The following GRIK4 variants were observed in gnomAD, a reference collection of about 807,000 sequenced individuals.
The protein encoded by GRIK4 is glutamate ionotropic receptor kainate type subunit 4.
In GRIK4, 40 loss-of-function variants were observed where a neutral mutation model predicts 104.9. The observed-to-expected ratio is 0.38, with a 90% confidence interval of 0.30 to 0.50. GRIK4 has a LOEUF of 0.50. GRIK4 is among the 20% of genes least tolerant of loss of function. The pLI is 0.93. For synonymous variants in GRIK4, 485 were observed against 524.9 expected, an observed-to-expected ratio of 0.92 and a Z score of 1.04; for missense variants, 1,047 against 1,308.1, an observed-to-expected ratio of 0.80 and a Z score of 3.08.
chr11:120,804,416 T>C (rs1374650975), intron 4 of GRIK4, among the ~76,000 whole-genome samples: 3 of 152,186 alleles, frequency 2.0e-5, no homozygotes, highest in Non-Finnish European at 4.4e-5. Context: ...TAAGAAGCGA[T>C]GCAGGCAGTG....
chr11:120,984,954 G>C (rs1161455861), intron 20 of GRIK4, among the ~76,000 whole-genome samples: 1 of 150,476 alleles, frequency 6.6e-6, no homozygotes, highest in Admixed American at 6.6e-5. Flanking sequence ...TCAGCCTCCC[G>C]AGTAGCTGAG....
intron 3 of GRIK4, among the ~76,000 whole-genome samples, chr11:120,794,913 G>A (rs560243890): frequency 1.3e-5 from 2 of 152,208 alleles, no homozygotes; most frequent in Non-Finnish European, 2.9e-5. Context: ...CCTCCAGCAA[G>A]AGGGGTGACC....
intron 2 of GRIK4, among the ~76,000 whole-genome samples, chr11:120,658,914 A>G (rs1377386059): frequency 1.3e-5 from 2 of 151,624 alleles, no homozygotes; most frequent in African/African-American, 4.8e-5. Flanking sequence ...ACACCTGGCT[A>G]ATTTTTTGTA....
intron 7 of GRIK4, among the ~76,000 whole-genome samples, chr11:120,834,935 A>G (rs1173430604): frequency 6.6e-6 from 1 of 152,210 alleles, no homozygotes; most frequent in Non-Finnish European, 1.5e-5. Flanking sequence ...CGTGGGTCGC[A>G]TCCGTCTAGG....
chr11:120,643,141 T>C (rs1565586509), intron 1 of GRIK4, among the ~76,000 whole-genome samples: 2 of 152,144 alleles, frequency 1.3e-5, no homozygotes, highest in Non-Finnish European at 2.9e-5. Flanking sequence ...AGCTCGCTAC[T>C]CTTTAGCAAG....
At chr11:120,773,618 T>C (rs991215621) in intron 3 of GRIK4, among the ~76,000 whole-genome samples, 5 of 152,096 alleles carry the variant, frequency 3.3e-5, no homozygotes, top group African/African-American at 1.2e-4. Flanking sequence ...AGGCAAAACC[T>C]TGGAACTGTG....
intron 1 of GRIK4, among the ~76,000 whole-genome samples, chr11:120,539,310 C>T (rs1222561210): frequency 6.6e-6 from 1 of 152,110 alleles, no homozygotes; most frequent in Non-Finnish European, 1.5e-5. Context: ...ACAGGTCTGG[C>T]AAATCCCAGG....
chr11:120,780,712 T>A (rs1003339497), intron 3 of GRIK4, among the ~76,000 whole-genome samples: 1 of 151,618 alleles, frequency 6.6e-6, no homozygotes, highest in Non-Finnish European at 1.5e-5. Context: ...TTATCCGGGG[T>A]TTTTTTTGTT....
intron 19 of GRIK4, among the ~76,000 whole-genome samples, chr11:120,977,155 G>A (rs1412595526): frequency 1.3e-5 from 2 of 152,218 alleles, no homozygotes; most frequent in East Asian, 1.9e-4. Context: ...CCAACCAGGA[G>A]TTTGTGGGGA....
intron 9 of GRIK4, chr11:120,869,460 C>G (rs1192928089): frequency 1.2e-4 from 18 of 152,306 alleles, no homozygotes; most frequent in Admixed American, 1.2e-3. Flanking sequence ...CCCTAGCTGG[C>G]ATTAGTACTA....
At chr11:120,639,454 C>T (rs976998773) in intron 1 of GRIK4, among the ~76,000 whole-genome samples, 1 of 152,186 alleles carries the variant, frequency 6.6e-6, no homozygotes, top group African/African-American at 2.4e-5. Flanking sequence ...CTATCCCTTG[C>T]TCCCTGCCTT....
intron 14 of GRIK4, among the ~76,000 whole-genome samples, chr11:120,948,332 G>T (rs946456726): frequency 2.0e-5 from 3 of 152,180 alleles, no homozygotes; most frequent in African/African-American, 7.2e-5. Context: ...TGCTGGGAGG[G>T]GATAGAGTTT....
chr11:120,985,083 C>T (rs1944718476), intron 20 of GRIK4, among the ~76,000 whole-genome samples: 1 of 151,628 alleles, frequency 6.6e-6, no homozygotes, highest in African/African-American at 2.4e-5. Context: ...CCTACCTCGG[C>T]CCTCCAAAGT....
In GRIK4 at chr11:120,735,029, C is replaced by T. The variant is rs569092993; in HGVS notation, c.83-67664C>T. On this transcript the variant is annotated intron_variant, in intron 3 of 20. Coordinates refer to ENST00000527524, the MANE Select transcript of GRIK4 (RefSeq NM_014619.5). ...CCTCAACACAGCTATTTTGAATTCT[C>T]GTTTTGAAAGGTCACATATCTGTTT... 9.8e-4 allele frequency among the ~76,000 whole-genome samples: 149 copies of T among 152,230 alleles called. 1 individual carries two copies. The highest frequency in any genetic ancestry group is 3.3e-3 in the African/African-American group (136 of 41,536).
chr11:120,955,706 G>A (rs775634907), intron 15 of GRIK4, among the ~76,000 whole-genome samples: 2 of 152,164 alleles, frequency 1.3e-5, no homozygotes, highest in Non-Finnish European at 2.9e-5. Context: ...AGCCCCATGC[G>A]TGCATTACAC....
intron 1 of GRIK4, among the ~76,000 whole-genome samples, chr11:120,592,798 G>A (rs758715209): frequency 6.6e-6 from 1 of 152,230 alleles, no homozygotes; most frequent in South Asian, 2.1e-4. Flanking sequence ...CTGGCCGTCC[G>A]CATGTCTGCC....
At position 120,511,796 on chromosome 11, in the gene GRIK4, T is replaced by C. The variant is rs1308050533; in HGVS notation, c.-250T>C. ...ATCGGGCTGGAGCCGCCACGGCTGC[T>C]GCGGAAGAGGAAAAACGGCCAACAG... On this transcript the variant is annotated 5_prime_UTR_variant, in exon 1 of 21. Coordinates refer to ENST00000527524, the MANE Select transcript of GRIK4 (RefSeq NM_014619.5). The C allele has an allele frequency of 5.5e-6, 2 of 361,190 alleles. No individual in the cohort carries two copies. Among genetic ancestry groups the C allele is most frequent in the South Asian group, 1.9e-5 (1 of 53,998 alleles). The allele number at this position is 361,190 out of a possible 1,614,324, so 22.4% of individuals were successfully genotyped here.
intron 19 of GRIK4, among the ~76,000 whole-genome samples, chr11:120,974,500 CTAACA>C (rs1944529249): frequency 6.6e-6 from 1 of 152,184 alleles, no homozygotes; most frequent in Non-Finnish European, 1.5e-5. Flanking sequence ...GTGCCAGTGC[CTAACA>C]TAATCTTTTT....
At chr11:120,985,005 TTTTA>T (rs1944716900) in intron 20 of GRIK4, among the ~76,000 whole-genome samples, 1 of 151,534 alleles carries the variant, frequency 6.6e-6, no homozygotes, top group Non-Finnish European at 1.5e-5. Context: ...AATTTTGTGG[TTTTA>T]GTAGAGACAG....
Sources: gnomAD v4.1 joint callset for allele counts (sites outside exome capture counted in the v4.1 genomes callset) on GRCh38, gnomAD v4.1.1 for gene constraint, MANE v1.5 for transcripts, NCBI Gene and HGNC (gene_info 2026-07-23, HGNC 2026-07-21) for gene names.